The following TMEM223 variants were observed in gnomAD, a reference collection of about 807,000 sequenced individuals.
TMEM223 encodes transmembrane protein 223.
Under a neutral mutation model 14.1 loss-of-function variants are expected in TMEM223, and 14 were observed. The observed-to-expected ratio is 0.99, with a 90% confidence interval of 0.66 to 1.55. The LOEUF (loss-of-function observed/expected upper bound fraction) is 1.55, where lower values mean the gene tolerates loss of function less well. Ranked by LOEUF, TMEM223 falls within the 40% of genes most tolerant of loss-of-function variation. The pLI is 0.00. For missense variants in TMEM223, 346 were observed against 269.9 expected (o/e 1.28, Z -1.97); for synonymous variants, 145 against 120.5 (o/e 1.20, Z -1.33).
At chr11:62,783,532 G>C (rs2084246555), downstream of TMEM223, among the ~76,000 whole-genome samples, 1 of 150,582 alleles carries the variant, frequency 6.6e-6, no homozygotes, top group Non-Finnish European at 1.5e-5. Flanking sequence ...TAAGAGGGAG[G>C]ATCTTTTTTT....
At chr11:62,772,558 G>T (rs1487600578) in intron 2 of TMEM223, among the ~76,000 whole-genome samples, 1 of 146,666 alleles carries the variant, frequency 6.8e-6, no homozygotes, top group Non-Finnish European at 1.5e-5. Flanking sequence ...GCCAGGTGCG[G>T]TGGCTCTCAC....
chr11:62,775,794 G>A (rs1295522802), intron 1 of TMEM223: 21 of 1,609,264 alleles, frequency 1.3e-5, no homozygotes, highest in Non-Finnish European at 1.8e-5. Flanking sequence ...ATGTCAGAGC[G>A]AGAAGAGCGG....
downstream of TMEM223, chr11:62,782,888 C>T: frequency 6.3e-7 from 1 of 1,592,176 alleles, no homozygotes; most frequent in South Asian, 1.1e-5. Context: ...AAAAATAGTA[C>T]TTGTGCATCG....
intron 2 of TMEM223, chr11:62,774,523 G>C: frequency 2.2e-6 from 1 of 452,924 alleles, no homozygotes; most frequent in Non-Finnish European, 4.4e-6. Context: ...GGCAATGCCT[G>C]GGTGGGTCAT....
At chr11:62,784,622 T>C (rs1441114749), downstream of TMEM223, among the ~76,000 whole-genome samples, 1 of 152,202 alleles carries the variant, frequency 6.6e-6, no homozygotes, top group Non-Finnish European at 1.5e-5. Context: ...CTTAATTTTA[T>C]CATCAATTTA....
At chr11:62,771,804 TTCGTGTACGGTCATATAATA>T (rs1827931300) in exon 3 of TMEM223, 1 of 245,886 alleles carries the variant, frequency 4.1e-6, no homozygotes. Flanking sequence ...CAGTCTAGAT[TTCGTGTACGGTCATATAATA>T]GGGAAACTCC....
At chr11:62,778,172 C>T (rs778585233) in intron 1 of TMEM223, 73 of 1,613,482 alleles carry the variant, frequency 4.5e-5, no homozygotes, top group Non-Finnish European at 5.5e-5. Context: ...GGAGTTGGGC[C>T]GTGAAGAGAA....
At position 62,778,301 on chromosome 11, in the gene TMEM223, G is replaced by A. The variant is rs767966400; in HGVS notation, c.315-3636C>T. ...TGCTTCTAGTTCATGTCTCCTACCT[G>A]GATGGCAAAGGGAACCTGGCACCTC... On this transcript the variant is annotated intron_variant, in intron 1 of 2. Coordinates refer to the TMEM223 transcript ENST00000528367. 16 of 1,614,174 alleles carry A rather than the reference G, an allele frequency of 9.9e-6. 1 individual carries two copies. In the Admixed American group the frequency reaches 1.0e-4, roughly 10 times the overall value.
At chr11:62,788,511 T>C (rs1245792809), downstream of TMEM223, among the ~76,000 whole-genome samples, 1 of 152,104 alleles carries the variant, frequency 6.6e-6, no homozygotes, top group African/African-American at 2.4e-5. Context: ...AAGACCATCC[T>C]GGCCAACACG....
At chr11:62,786,771 C>A (rs1212671113), downstream of TMEM223, 1 of 1,612,526 alleles carries the variant, frequency 6.2e-7, no homozygotes, top group South Asian at 1.1e-5. Flanking sequence ...ACGCCTTCTT[C>A]GGTGACAGCT....
downstream of TMEM223, chr11:62,786,266 G>A: frequency 2.5e-6 from 4 of 1,611,808 alleles, no homozygotes; most frequent in Non-Finnish European, 3.4e-6. Context: ...CCAGGCAGTA[G>A]AACGAGTCCT....
intron 1 of TMEM223, chr11:62,775,892 G>T (rs184180615): frequency 1.9e-6 from 3 of 1,613,814 alleles, no homozygotes; most frequent in Non-Finnish European, 2.5e-6. Flanking sequence ...GGCGCTGCTC[G>T]CAGAGGACGT....
At chr11:62,775,705 T>G in intron 1 of TMEM223, 1 of 1,514,348 alleles carries the variant, frequency 6.6e-7, no homozygotes, top group Non-Finnish European at 8.8e-7. Flanking sequence ...TGGAGGGTGT[T>G]GGATCACACT....
intron 1 of TMEM223, chr11:62,782,084 C>T: frequency 6.3e-7 from 1 of 1,591,354 alleles, no homozygotes; most frequent in Non-Finnish European, 8.6e-7. Context: ...CCCCTCATGT[C>T]CCTGTAAGCT....
downstream of TMEM223, chr11:62,782,786 C>G: frequency 6.2e-7 from 1 of 1,613,800 alleles, no homozygotes. Context: ...TCTGCTGCCA[C>G]TATGGAGCCG....
At chr11:62,774,025 A>G (rs2084168160) in intron 2 of TMEM223, among the ~76,000 whole-genome samples, 1 of 152,158 alleles carries the variant, frequency 6.6e-6, no homozygotes. Flanking sequence ...GAGGTATTGC[A>G]GAAGTAGGCA....
chr11:62,787,446 G>C (rs779773816), downstream of TMEM223: 8 of 1,568,442 alleles, frequency 5.1e-6, no homozygotes, highest in South Asian at 4.6e-5. Flanking sequence ...CGCTGTCCTG[G>C]CTGCAGCGCG....
In TMEM223 at chr11:62,790,024, G is replaced by A. The variant is rs1361996511; in HGVS notation, c.*599C>T. 11 of 1,613,014 alleles carry A rather than the reference G, an allele frequency of 6.8e-6. No individual in the cohort carries two copies. The highest frequency in any genetic ancestry group is 2.2e-5 in the East Asian group (1 of 44,868). On this transcript the variant is annotated 3_prime_UTR_variant, in exon 2 of 2. Coordinates refer to ENST00000307366, the MANE Select transcript of TMEM223 (RefSeq NM_001080501.3). ...GAGCTCTGAGACAGATGCTCTCGTTGGGTCACGCCTTTCCCATTCCTGAAG... is the reference window on the plus strand; with the variant it reads ...GAGCTCTGAGACAGATGCTCTCGTTAGGTCACGCCTTTCCCATTCCTGAAG...
At chr11:62,788,928 C>A, downstream of TMEM223, 5 of 1,337,098 alleles carry the variant, frequency 3.7e-6, no homozygotes, top group Non-Finnish European at 5.1e-6. Flanking sequence ...TCCTGGAATG[C>A]AGGACCATTC....
Sources: allele counts gnomAD v4.1 joint callset (sites outside exome capture counted in the v4.1 genomes callset), GRCh38; gene constraint gnomAD v4.1.1; transcripts MANE v1.5; gene names NCBI Gene and HGNC (gene_info 2026-07-23, HGNC 2026-07-21).